XIST: variants seen among roughly 807,000 people sequenced by gnomAD.
The protein encoded by XIST is X inactive specific transcript (non-protein coding).
At chrX:73,842,145 C>A (rs993867560) in exon 1 of XIST, 1 of 514,556 alleles carries the variant, frequency 1.9e-6, no homozygotes, top group African/African-American at 2.3e-5. Flanking sequence ...ATCGAGTCCA[C>A]CCTACAATCC....
exon 1 of XIST, chrX:73,844,095 A>G: frequency 1.8e-6 from 1 of 558,783 alleles, no homozygotes; most frequent in Non-Finnish European, 3.2e-6. Context: ...GGCACCCACT[A>G]TTGAAAAGAG....
chrX:73,822,834 T>C (rs1482651087), exon 6 of XIST: 3 of 558,870 alleles, frequency 5.4e-6, no homozygotes, highest in African/African-American at 4.4e-5. Flanking sequence ...ATGTCAAAGG[T>C]GATCTGTTTA....
chrX:73,839,929 C>T (rs1179030011), intron 1 of XIST, among the ~76,000 whole-genome samples: 2 of 110,247 alleles, frequency 1.8e-5, no homozygotes, highest in South Asian at 3.8e-4. Context: ...TGTATGTTGA[C>T]AATGAATGAC....
exon 1 of XIST, chrX:73,847,498 G>A (rs774837715): frequency 5.9e-4 from 299 of 510,713 alleles, no homozygotes; most frequent in Non-Finnish European, 8.5e-4. Context: ...GGGATTACAG[G>A]TGTGAGCCAC....
chrX:73,824,924 G>C (rs772955471), exon 6 of XIST: 6 of 540,796 alleles, frequency 1.1e-5, no homozygotes, highest in Non-Finnish European at 2.0e-5. Context: ...AATTAATCTT[G>C]TATTTTACAG....
At chrX:73,823,660 C>T in exon 6 of XIST, 1 of 558,754 alleles carries the variant, frequency 1.8e-6, no homozygotes, top group East Asian at 3.2e-5. Context: ...AAGACCACAA[C>T]ACCTTGTTTT....
exon 6 of XIST, chrX:73,821,169 AT>A (rs747122900): frequency 2.5e-5 from 14 of 555,830 alleles, no homozygotes; most frequent in Non-Finnish European, 4.2e-5. Context: ...TTCAAATCTG[AT>A]GTCTAACTAA....
chrX:73,833,119 A>G (rs779731702), intron 3 of XIST: 1 of 450,335 alleles, frequency 2.2e-6, no homozygotes, highest in African/African-American at 2.4e-5. Flanking sequence ...CAACCTCCCA[A>G]AGCCCTGGAA....
At chrX:73,834,513 T>C (rs1922443834) in intron 2 of XIST, among the ~76,000 whole-genome samples, 1 of 112,400 alleles carries the variant, frequency 8.9e-6, no homozygotes, top group Non-Finnish European at 1.9e-5. Flanking sequence ...TTGGAACTGA[T>C]ACAGAACCAT....
chrX:73,833,170 A>G (rs1922418397), intron 3 of XIST: 1 of 522,308 alleles, frequency 1.9e-6, no homozygotes, highest in Non-Finnish European at 3.4e-6. Flanking sequence ...GTTCTGCTTT[A>G]AAAAGGAGAG....
At position 73,844,826 on chromosome X, in the gene XIST, G is replaced by T. The variant is rs377583671; in HGVS notation, n.7898C>A. 10 of 553,356 alleles carry T rather than the reference G, an allele frequency of 1.8e-5. No homozygotes were observed. The African/African-American group carries it at 2.1e-4, about 11-fold the overall frequency. 45.6% of individuals were successfully genotyped at this position (553,356 alleles called of 1,213,427 possible). On this transcript the variant is annotated non_coding_transcript_exon_variant, in exon 1 of 6. Transcript: ENST00000429829. ...GCCGTGTGCAGTTACACACATTATTGACCAAGGTGCATGGCTGCGGTCACT... is the reference window on the plus strand; with the variant it reads ...GCCGTGTGCAGTTACACACATTATTTACCAAGGTGCATGGCTGCGGTCACT...
rs1004517029 is a variant in XIST at position 73,834,523 on chromosome X, T to G, written n.11407-1149A>C. On this transcript the variant is annotated intron_variant and non_coding_transcript_variant, in intron 2 of 5. Coordinates refer to ENST00000429829, the Ensembl canonical transcript of XIST. Reference sequence around the variant, plus strand: ...ACATTTTGGAACTGATACAGAACCATACATTTCACTAGGGTTCAATATTCA... The same window carrying G: ...ACATTTTGGAACTGATACAGAACCAGACATTTCACTAGGGTTCAATATTCA... Among the ~76,000 whole-genome samples the G allele has an allele frequency of 3.6e-5, 4 of 112,429 alleles. No homozygotes were observed. The South Asian group carries it at 1.5e-3, about 42-fold the overall frequency.
exon 1 of XIST, chrX:73,842,962 G>C: frequency 1.8e-6 from 1 of 558,854 alleles, no homozygotes. Flanking sequence ...TGACACCATG[G>C]CTACCTGTGA....
At chrX:73,839,057 A>G (rs1922540745) in intron 1 of XIST, among the ~76,000 whole-genome samples, 1 of 111,769 alleles carries the variant, frequency 8.9e-6, no homozygotes, top group Non-Finnish European at 1.9e-5. Context: ...GCTTTCACAT[A>G]TAAGAATATT....
At position 73,836,887 on chromosome X, in the gene XIST, T is replaced by C. The variant is rs1477304832; in HGVS notation, n.11406+553A>G. Among the ~76,000 whole-genome samples, 3 of 111,610 alleles carry C rather than the reference T, an allele frequency of 2.7e-5. No homozygotes were observed. The Admixed American group carries it at 2.9e-4, about 11-fold the overall frequency. On this transcript the variant is annotated intron_variant and non_coding_transcript_variant, in intron 2 of 5. Coordinates refer to ENST00000429829, the Ensembl canonical transcript of XIST. ...CAAAGCCAAATGAAAGACCTCCCAA[T>C]GGCCAAAGCTGGAACAATTTGAACA...
At position 73,848,336 on chromosome X, in the gene XIST, T is replaced by C. The variant is rs1445118302; in HGVS notation, n.4388A>G. The C allele has an allele frequency of 7.2e-6, 4 of 554,277 alleles. No individual in the cohort carries two copies. In the Admixed American group the frequency reaches 9.0e-5, roughly 12 times the overall value. 45.7% of individuals were successfully genotyped at this position (554,277 alleles called of 1,213,427 possible). ...GGGGCATTAGGTAACCAGCACCCTC[T>C]TGATGTAAAGCAAAGATGATGCAGG... On this transcript the variant is annotated non_coding_transcript_exon_variant, in exon 1 of 6. Coordinates refer to ENST00000429829, the Ensembl canonical transcript of XIST.
intron 1 of XIST, among the ~76,000 whole-genome samples, chrX:73,838,040 G>C (rs1922517728): frequency 9.0e-6 from 1 of 111,609 alleles, no homozygotes; most frequent in Non-Finnish European, 1.9e-5. Context: ...GAAAGACCTA[G>C]TCAATCTGCT....
At chrX:73,834,389 T>C in intron 2 of XIST, among the ~76,000 whole-genome samples, 1 of 112,884 alleles carries the variant, frequency 8.9e-6, no homozygotes, top group Admixed American at 9.3e-5. Context: ...TGCCTGTTAC[T>C]ATGGTGATGA....
exon 1 of XIST, chrX:73,844,097 T>C: frequency 5.4e-6 from 3 of 558,240 alleles, no homozygotes; most frequent in Middle Eastern, 3.1e-4. Context: ...CACCCACTAT[T>C]GAAAAGAGGT....
Sources: gnomAD v4.1 joint callset for allele counts (sites outside exome capture counted in the v4.1 genomes callset) on GRCh38, gnomAD v4.1.1 for gene constraint, MANE v1.5 for transcripts, NCBI Gene and HGNC (gene_info 2026-07-23, HGNC 2026-07-21) for gene names.